The following AKR1C3 variants were observed in gnomAD, a reference collection of about 807,000 sequenced individuals.
AKR1C3 encodes the protein 3-alpha hydroxysteroid dehydrogenase, type II.
A neutral mutation model predicts 43.6 loss-of-function variants in AKR1C3; 48 were observed. The observed-to-expected ratio is 1.10, with a 90% CI of 0.87 to 1.40. AKR1C3 has a LOEUF of 1.40. Among genes scored for constraint, AKR1C3 ranks in the 40% most tolerant of loss-of-function variants. AKR1C3 has a pLI of 0.00. For missense variants in AKR1C3, 482 were observed against 391.2 expected (o/e 1.23, Z -1.96); for synonymous variants, 162 against 139.6 (o/e 1.16, Z -1.13).
chr10:5,094,611 T>G, intron 1 of AKR1C3, 83 bp downstream of exon 1: 1 of 1,448,492 alleles, frequency 6.9e-7, no homozygotes, highest in Admixed American at 1.7e-5. Context: ...GTAAGGTTCG[T>G]GTTCCTACCT....
In AKR1C3 at chr10:5,105,621, G is replaced by C. The variant is rs782061306; in HGVS notation, c.873G>C (p.Glu291Asp). ...VQVFEFQLTAEDMKAIDGLDR... is the reference protein window; with the variant it reads ...VQVFEFQLTADDMKAIDGLDR... Reference sequence around the variant, plus strand: ...TTTTTGAGTTCCAGTTGACTGCAGAGGACATGAAAGCCATAGATGGCCTAG... The same window carrying C: ...TTTTTGAGTTCCAGTTGACTGCAGACGACATGAAAGCCATAGATGGCCTAG... Residue 291 changes from glutamate to aspartate, a missense_variant, in exon 8 of 9, where the codon GAG becomes GAC. By Grantham distance (45) the Glu-to-Asp change is conservative (BLOSUM62 2). Transcript: ENST00000380554. The C allele has an allele frequency of 1.7e-5, 28 of 1,614,014 alleles. No individual in the cohort carries two copies. In the South Asian group the frequency reaches 3.0e-4, roughly 17 times the overall value.
At chr10:5,093,213 C>T (rs562308544), upstream of AKR1C3, among the ~76,000 whole-genome samples, 12 of 152,192 alleles carry the variant, frequency 7.9e-5, no homozygotes, top group African/African-American at 2.9e-4. Flanking sequence ...TCAGCACCCC[C>T]ATAAATAAAT....
intron 1 of AKR1C3, among the ~76,000 whole-genome samples, chr10:5,086,139 G>A (rs1312025423): frequency 6.6e-6 from 1 of 151,654 alleles, no homozygotes; most frequent in Non-Finnish European, 1.5e-5. Context: ...GTTTGCTCTT[G>A]CTTTTCTAGC....
intron 1 of AKR1C3, among the ~76,000 whole-genome samples, chr10:5,079,305 T>A (rs1838779909): frequency 6.6e-6 from 1 of 152,148 alleles, no homozygotes; most frequent in Admixed American, 6.5e-5. Context: ...TAAAACAAAA[T>A]GTGCCACTCA....
At chr10:5,053,237 C>T (rs1466060058) in intron 1 of AKR1C3, among the ~76,000 whole-genome samples, 8 of 152,248 alleles carry the variant, frequency 5.3e-5, no homozygotes, top group South Asian at 4.1e-4. Flanking sequence ...CAGGAGCCCA[C>T]GGACGGTGGA....
intron 1 of AKR1C3, among the ~76,000 whole-genome samples, chr10:5,053,545 C>T (rs1554779213): frequency 6.6e-6 from 1 of 152,214 alleles, no homozygotes; most frequent in African/African-American, 2.4e-5. Flanking sequence ...GAAAGGGGCT[C>T]CCACAGTGCA....
At chr10:5,070,346 CAAAG>C (rs1554781215) in intron 1 of AKR1C3, among the ~76,000 whole-genome samples, 1 of 151,912 alleles carries the variant, frequency 6.6e-6, no homozygotes, top group Non-Finnish European at 1.5e-5. Flanking sequence ...CACAAAAAAG[CAAAG>C]AAATAATGAA....
upstream of AKR1C3, among the ~76,000 whole-genome samples, chr10:5,090,503 T>C (rs1292858552): frequency 6.6e-6 from 1 of 152,124 alleles, no homozygotes; most frequent in Non-Finnish European, 1.5e-5. Context: ...CATAGCTCTC[T>C]AAGGAAGTGA....
intron 4 of AKR1C3, 92 bp downstream of exon 4, chr10:5,098,971 T>C (rs1554785577): frequency 1.9e-6 from 2 of 1,058,992 alleles, no homozygotes. Flanking sequence ...ATATGCACCA[T>C]TAGATCTAGA....
chr10:5,102,946 GTTTT>G (rs370945874), intron 7 of AKR1C3, among the ~76,000 whole-genome samples: 1 of 146,834 alleles, frequency 6.8e-6, no homozygotes, highest in Non-Finnish European at 1.5e-5. Context: ...TTTGGTTTTG[GTTTT>G]TTTTTTTTGA....
At chr10:5,085,303 C>T (rs1838937457) in intron 1 of AKR1C3, among the ~76,000 whole-genome samples, 2 of 151,664 alleles carry the variant, frequency 1.3e-5, no homozygotes, top group African/African-American at 4.8e-5. Context: ...TGAATTTTGT[C>T]AAAGGCCTTT....
chr10:5,084,553 G>A (rs1438324569), intron 1 of AKR1C3, among the ~76,000 whole-genome samples: 1 of 152,116 alleles, frequency 6.6e-6, no homozygotes, highest in Non-Finnish European at 1.5e-5. Flanking sequence ...TTGACTTGGT[G>A]AGGCGGGCTC....
At chr10:5,091,143 G>A (rs781874177), upstream of AKR1C3, among the ~76,000 whole-genome samples, 1 of 151,912 alleles carries the variant, frequency 6.6e-6, no homozygotes, top group African/African-American at 2.4e-5. Flanking sequence ...TAAAATGAGG[G>A]TTATTTTTGT....
intron 8 of AKR1C3, 128 bp from the exon 9 acceptor site, chr10:5,107,333 G>T: frequency 2.9e-6 from 2 of 678,726 alleles, no homozygotes; most frequent in Non-Finnish European, 5.2e-6. Context: ...ATAAAGGTAA[G>T]AAAGGCAGAT....
At chr10:5,105,758 C>CCAGAGGGA (rs1839486088) in intron 8 of AKR1C3, 81 bp downstream of exon 8, 1 of 1,099,954 alleles carries the variant, frequency 9.1e-7, no homozygotes, top group Admixed American at 2.0e-5. Flanking sequence ...GACCTCCATA[C>CCAGAGGGA]CAGAGGGACA....
chr10:5,087,667 C>G (rs1368629711), intron 1 of AKR1C3, among the ~76,000 whole-genome samples: 1 of 152,020 alleles, frequency 6.6e-6, no homozygotes, highest in African/African-American at 2.4e-5. Flanking sequence ...GCCACTTTGT[C>G]CAGCCTCACC....
intron 1 of AKR1C3, among the ~76,000 whole-genome samples, chr10:5,085,649 G>A (rs1258575114): frequency 6.6e-6 from 1 of 151,878 alleles, no homozygotes. Context: ...CAGAAGGAAC[G>A]GTACCAGCTC....
chr10:5,053,881 A>G (rs1485193329), intron 1 of AKR1C3, among the ~76,000 whole-genome samples: 4 of 152,210 alleles, frequency 2.6e-5, no homozygotes, highest in Non-Finnish European at 5.9e-5. Flanking sequence ...TTGTAAGACC[A>G]TCTGTAGCTT....
At chr10:5,049,446 C>A (rs72478265) in intron 1 of AKR1C3, among the ~76,000 whole-genome samples, 2 of 151,958 alleles carry the variant, frequency 1.3e-5, no homozygotes, top group Non-Finnish European at 2.9e-5. Context: ...GAGAAAATTA[C>A]CAGAGGATAT....
Sources: gnomAD v4.1 joint callset for allele counts (sites outside exome capture counted in the v4.1 genomes callset) on GRCh38, gnomAD v4.1.1 for gene constraint, MANE v1.5 for transcripts, NCBI Gene and HGNC (gene_info 2026-07-23, HGNC 2026-07-21) for gene names.